FLVCR2: variants seen among roughly 807,000 people sequenced by gnomAD.
FLVCR2 encodes the protein choline/ethanolamine transporter FLVCR2.
A neutral mutation model predicts 48.9 loss-of-function variants in FLVCR2; 38 were observed. That is an observed-to-expected ratio of 0.78 (90% confidence interval 0.60 to 1.02). FLVCR2 has a LOEUF of 1.02. Among genes scored for constraint, FLVCR2 ranks in the 50% least tolerant of loss-of-function variants. The pLI, the probability that FLVCR2 is intolerant of heterozygous loss-of-function variation, is 0.00. For missense variants in FLVCR2, 664 were observed against 663.3 expected (o/e 1.00, Z -0.01); for synonymous variants, 255 against 257.0 (o/e 0.99, Z 0.07).
chr14:75,592,100 G>A (rs1021325602), intron 1 of FLVCR2, among the ~76,000 whole-genome samples: 1 of 152,076 alleles, frequency 6.6e-6, no homozygotes, highest in African/African-American at 2.4e-5. Context: ...TAAAGAGTTG[G>A]GATTTCAAGC....
chr14:75,639,088 A>T (rs1383921621), intron 5 of FLVCR2, among the ~76,000 whole-genome samples: 4 of 152,106 alleles, frequency 2.6e-5, no homozygotes. Flanking sequence ...GATGCGCACA[A>T]CTGTCCCAGC....
At chr14:75,585,816 C>G (rs1292135063) in intron 1 of FLVCR2, among the ~76,000 whole-genome samples, 2 of 152,016 alleles carry the variant, frequency 1.3e-5, no homozygotes, top group South Asian at 2.1e-4. Flanking sequence ...TTTATCTCTA[C>G]TAGAGAGGAA....
intron 1 of FLVCR2, among the ~76,000 whole-genome samples, chr14:75,620,392 G>A (rs564525055): frequency 6.6e-6 from 1 of 152,266 alleles, no homozygotes; most frequent in South Asian, 2.1e-4. Context: ...CCTCCACTCT[G>A]CTAGAACTCT....
rs541236632 is a variant in FLVCR2 at position 75,614,940 on chromosome 14, C to A, written c.670-7139C>A. ...AGAATACCATGGGAGAAACTGCCCCCATGATCCAGTCACCTCCCACCAGGC... is the reference window on the plus strand; with the variant it reads ...AGAATACCATGGGAGAAACTGCCCCAATGATCCAGTCACCTCCCACCAGGC... On this transcript the variant is annotated intron_variant, in intron 1 of 9. Coordinates refer to ENST00000238667, the MANE Select transcript of FLVCR2 (RefSeq NM_017791.3). 2.6e-5 allele frequency among the ~76,000 whole-genome samples: 4 copies of A among 152,332 alleles called. No homozygotes were observed. In the South Asian group the frequency reaches 8.3e-4, roughly 32 times the overall value.
intron 1 of FLVCR2, among the ~76,000 whole-genome samples, chr14:75,595,258 G>A (rs1305422994): frequency 6.6e-6 from 1 of 152,150 alleles, no homozygotes; most frequent in African/African-American, 2.4e-5. Context: ...ACTTATAGAT[G>A]GCCGCATAAG....
chr14:75,610,612 A>C (rs1889417592), intron 1 of FLVCR2, among the ~76,000 whole-genome samples: 1 of 152,238 alleles, frequency 6.6e-6, no homozygotes, highest in Non-Finnish European at 1.5e-5. Context: ...CTGTAGGTCA[A>C]GATCAAGGTA....
intron 5 of FLVCR2, among the ~76,000 whole-genome samples, chr14:75,638,703 T>C (rs1890228300): frequency 6.6e-6 from 1 of 152,200 alleles, no homozygotes; most frequent in African/African-American, 2.4e-5. Flanking sequence ...GCCCTTCTTG[T>C]CTGTGGCTAG....
intron 3 of FLVCR2, 54 bp downstream of exon 3, chr14:75,624,806 G>A (rs1889858135): frequency 6.3e-7 from 1 of 1,585,062 alleles, no homozygotes; most frequent in Non-Finnish European, 8.7e-7. Flanking sequence ...TTAGATGAGA[G>A]GCCTGATGTG....
intron 1 of FLVCR2, among the ~76,000 whole-genome samples, chr14:75,613,303 G>T (rs1187113081): frequency 6.6e-6 from 1 of 152,064 alleles, no homozygotes; most frequent in African/African-American, 2.4e-5. Context: ...TCCAATCATG[G>T]TGAAAGGCAA....
intron 1 of FLVCR2, among the ~76,000 whole-genome samples, chr14:75,606,666 A>C (rs186463732): frequency 5.9e-5 from 9 of 152,292 alleles, no homozygotes; most frequent in Non-Finnish European, 1.3e-4. Context: ...GGTGTTCATT[A>C]AAAATGCAAA....
At chr14:75,620,823 A>C (rs951369772) in intron 1 of FLVCR2, among the ~76,000 whole-genome samples, 5 of 152,236 alleles carry the variant, frequency 3.3e-5, no homozygotes, top group African/African-American at 1.2e-4. Context: ...AAAACGAATC[A>C]AGGGGGTCAG....
chr14:75,601,302 C>G (rs563488554), intron 1 of FLVCR2, among the ~76,000 whole-genome samples: 1 of 152,374 alleles, frequency 6.6e-6, no homozygotes, highest in South Asian at 2.1e-4. Flanking sequence ...CCCTCATTCC[C>G]GTAAATCCAC....
rs184132000 is a variant in FLVCR2 at position 75,639,603 on chromosome 14, C to T, written c.1235+141C>T. 1.2e-4 allele frequency: 88 copies of T among 719,654 alleles called. No homozygotes were observed. The African/African-American group carries it at 1.4e-3, about 12-fold the overall frequency. The allele number at this position is 719,654 out of a possible 1,614,324, so 44.6% of individuals were successfully genotyped here. Reference sequence around the variant, plus strand: ...ATATGGACATGGTGCCCAGGGGTCTCGGTAATACTTGTAGTACTTCCAAAG... The same window carrying T: ...ATATGGACATGGTGCCCAGGGGTCTTGGTAATACTTGTAGTACTTCCAAAG... On this transcript the variant is annotated intron_variant, in intron 6 of 9. Coordinates refer to ENST00000238667, the MANE Select transcript of FLVCR2 (RefSeq NM_017791.3).
intron 9 of FLVCR2, 169 bp downstream of exon 9, chr14:75,642,067 T>C (rs1890317857): frequency 4.6e-6 from 3 of 654,182 alleles, no homozygotes; most frequent in Admixed American, 5.0e-5. Flanking sequence ...TCAGTGGGCA[T>C]CTTTGGCATT....
chr14:75,624,892 C>T, intron 3 of FLVCR2, 140 bp downstream of exon 3: 2 of 1,014,668 alleles, frequency 2.0e-6, no homozygotes, highest in Non-Finnish European at 3.0e-6. Flanking sequence ...GAGGACCCAG[C>T]TATGCCCAAG....
chr14:75,646,805 G>A lies in FLVCR2; in HGVS notation c.*333G>A, dbSNP rs1018401919. On this transcript the variant is annotated 3_prime_UTR_variant, in exon 10 of 10. Coordinates refer to ENST00000238667, the MANE Select transcript of FLVCR2 (RefSeq NM_017791.3). Reference sequence around the variant, plus strand: ...TCCCTCTTTTCCTCCATCCATCGTGGACAATGCCTGCAAAATTTTCACAGG... The same window carrying A: ...TCCCTCTTTTCCTCCATCCATCGTGAACAATGCCTGCAAAATTTTCACAGG... 3 of 367,790 alleles carry A rather than the reference G, an allele frequency of 8.2e-6. No individual in the cohort carries two copies. Among genetic ancestry groups the A allele is most frequent in the Non-Finnish European group, 1.6e-5 (3 of 190,166 alleles). The allele number at this position is 367,790 out of a possible 1,614,324, so 22.8% of individuals were successfully genotyped here.
At chr14:75,602,346 T>A (rs963551756) in intron 1 of FLVCR2, among the ~76,000 whole-genome samples, 6 of 152,122 alleles carry the variant, frequency 3.9e-5, no homozygotes, top group African/African-American at 1.2e-4. Flanking sequence ...GCTACCTATG[T>A]TGCCTCATTA....
intron 5 of FLVCR2, 52 bp from the exon 6 acceptor site, chr14:75,639,300 A>G: frequency 1.9e-6 from 2 of 1,057,556 alleles, no homozygotes; most frequent in Non-Finnish European, 1.5e-6. Context: ...TGAATGAATG[A>G]GCCTATTAAA....
chr14:75,600,298 T>C (rs1889133300), intron 1 of FLVCR2, among the ~76,000 whole-genome samples: 1 of 152,218 alleles, frequency 6.6e-6, no homozygotes, highest in South Asian at 2.1e-4. Context: ...CCTTAGTTCC[T>C]GGAATTGCCC....
Sources: gnomAD v4.1 joint callset for allele counts (sites outside exome capture counted in the v4.1 genomes callset) on GRCh38, gnomAD v4.1.1 for gene constraint, MANE v1.5 for transcripts, NCBI Gene and HGNC (gene_info 2026-07-23, HGNC 2026-07-21) for gene names.